AGMO: variants seen among roughly 807,000 people sequenced by gnomAD.
The protein encoded by AGMO is glyceryl-ether monooxygenase.
In AGMO, 75 loss-of-function variants were observed where a neutral mutation model predicts 60.2. That is an observed-to-expected ratio of 1.25 (90% CI 1.03 to 1.51). The LOEUF (loss-of-function observed/expected upper bound fraction) is 1.51. Among genes scored for constraint, AGMO ranks in the 40% most tolerant of loss-of-function variants. The pLI, the probability that AGMO is intolerant of heterozygous loss-of-function variation, is 0.00. For synonymous variants in AGMO, 261 were observed against 177.1 expected (o/e 1.47, Z -3.76); for missense variants, 763 against 525.5 (o/e 1.45, Z -4.42).
chr7:15,535,348 T>C (rs1040143769), intron 3 of AGMO, among the ~76,000 whole-genome samples: 1 of 151,982 alleles, frequency 6.6e-6, no homozygotes, highest in African/African-American at 2.4e-5. Flanking sequence ...TCTTTCTTTT[T>C]ACCTTTGGAA....
intron 12 of AGMO, among the ~76,000 whole-genome samples, chr7:15,214,985 C>G (rs948452004): frequency 1.3e-5 from 2 of 152,000 alleles, no homozygotes; most frequent in African/African-American, 4.8e-5. Context: ...AGAGCCTATG[C>G]CAACAGAAAT....
intron 12 of AGMO, among the ~76,000 whole-genome samples, chr7:15,329,692 C>T (rs1208661598): frequency 1.3e-5 from 2 of 152,118 alleles, no homozygotes; most frequent in African/African-American, 4.8e-5. Flanking sequence ...ATGTTTAATC[C>T]TCTCAAACCC....
chr7:15,539,109 T>C (rs1784552802), intron 3 of AGMO, among the ~76,000 whole-genome samples: 2 of 152,028 alleles, frequency 1.3e-5, no homozygotes, highest in African/African-American at 4.8e-5. Context: ...GGTAAATTCT[T>C]TATTTTAATT....
intron 10 of AGMO, among the ~76,000 whole-genome samples, chr7:15,369,604 A>C (rs1242817435): frequency 6.6e-6 from 1 of 152,068 alleles, no homozygotes; most frequent in Non-Finnish European, 1.5e-5. Context: ...ACAAAATAGT[A>C]CTTCTCCATA....
Position 15,225,137 on chromosome 7 carries a change from TAC to T in AGMO, c.1264-23780_1264-23779del, listed in dbSNP as rs1782039141. Among the ~76,000 whole-genome samples, 4 of 152,060 alleles carry T rather than the reference TAC, an allele frequency of 2.6e-5. No homozygotes were observed. In the South Asian group the frequency reaches 8.3e-4, roughly 32 times the overall value. On this transcript the variant is annotated intron_variant, in intron 12 of 12. Transcript: ENST00000342526. ...AAATTATACTAAATATATTGTTTGA[TAC>T]AGATTTTTATTTACCATCAGACGAA... is the stretch of plus-strand genomic sequence containing the variant.
chr7:15,273,602 T>A (rs1418493749), intron 12 of AGMO, among the ~76,000 whole-genome samples: 1 of 152,138 alleles, frequency 6.6e-6, no homozygotes, highest in Non-Finnish European at 1.5e-5. Flanking sequence ...CTTGGCAATT[T>A]GGGCTCTTTT....
chr7:15,226,344 A>G (rs143985042), intron 12 of AGMO, among the ~76,000 whole-genome samples: 157 of 152,262 alleles, frequency 1.0e-3, no homozygotes, highest in African/African-American at 3.6e-3. Context: ...TCTGATGTTT[A>G]GCCATGTCAG....
chr7:15,240,704 A>G (rs1782564143), intron 12 of AGMO, among the ~76,000 whole-genome samples: 1 of 152,182 alleles, frequency 6.6e-6, no homozygotes, highest in South Asian at 2.1e-4. Flanking sequence ...GTTTAAAATT[A>G]TAATCTATAG....
At chr7:15,538,404 T>C (rs1784532897) in intron 3 of AGMO, among the ~76,000 whole-genome samples, 1 of 152,072 alleles carries the variant, frequency 6.6e-6, no homozygotes, top group African/African-American at 2.4e-5. Context: ...AGCTAATTTT[T>C]TAATGTTTTG....
intron 3 of AGMO, among the ~76,000 whole-genome samples, chr7:15,473,984 C>A (rs1350106170): frequency 6.6e-6 from 1 of 152,016 alleles, no homozygotes; most frequent in Non-Finnish European, 1.5e-5. Flanking sequence ...CCTAGGAATA[C>A]AATCTACAAG....
At chr7:15,225,130 T>A (rs1311745920) in intron 12 of AGMO, among the ~76,000 whole-genome samples, 1 of 151,938 alleles carries the variant, frequency 6.6e-6, no homozygotes, top group Non-Finnish European at 1.5e-5. Flanking sequence ...CTAAATATAT[T>A]GTTTGATACA....
chr7:15,240,896 G>A lies in AGMO; in HGVS notation c.1264-39537C>T, dbSNP rs571553217. Among the ~76,000 whole-genome samples, 125 of 151,992 alleles carry A rather than the reference G, an allele frequency of 8.2e-4. 1 individual carries two copies. The highest frequency in any genetic ancestry group is 1.6e-3 in the Non-Finnish European group (108 of 68,016). On this transcript the variant is annotated intron_variant, in intron 12 of 12. Transcript: ENST00000342526. Reference sequence around the variant, plus strand: ...CCAATATGAGAAAGCTAGTTCAGTGGAGTTAATTCATTTCCTTAGGCTACA... The same window carrying A: ...CCAATATGAGAAAGCTAGTTCAGTGAAGTTAATTCATTTCCTTAGGCTACA...
chr7:15,308,365 A>C (rs1391647054), intron 12 of AGMO, among the ~76,000 whole-genome samples: 1 of 151,926 alleles, frequency 6.6e-6, no homozygotes, highest in Non-Finnish European at 1.5e-5. Context: ...CTTCTTTTTT[A>C]AGGTTTTGCT....
intron 10 of AGMO, among the ~76,000 whole-genome samples, chr7:15,383,802 C>T (rs1453663871): frequency 1.3e-5 from 2 of 151,764 alleles, no homozygotes; most frequent in Admixed American, 6.6e-5. Flanking sequence ...GTTTTTTTCC[C>T]GGATTGTTGT....
At chr7:15,173,448 C>A in the AGMO span, among the ~76,000 whole-genome samples, 564 of 152,212 alleles carry the variant, frequency 3.7e-3, 3 homozygotes, top group African/African-American at 0.013. Context: ...ACATTGATTT[C>A]TTAAATAGTA....
intron 12 of AGMO, among the ~76,000 whole-genome samples, chr7:15,340,471 A>T (rs1323769553): frequency 6.6e-6 from 1 of 152,184 alleles, no homozygotes; most frequent in African/African-American, 2.4e-5. Context: ...GTCACAGGCC[A>T]GGAGGCCTCG....
At chr7:15,520,143 G>A (rs996379194) in intron 3 of AGMO, among the ~76,000 whole-genome samples, 1 of 152,058 alleles carries the variant, frequency 6.6e-6, no homozygotes, top group African/African-American at 2.4e-5. Context: ...AACAAGAAGA[G>A]CTAGCTACCC....
chr7:15,531,431 T>C (rs1449129769), intron 3 of AGMO, among the ~76,000 whole-genome samples: 10 of 42,126 alleles, frequency 2.4e-4, no homozygotes, highest in African/African-American at 3.7e-4. Flanking sequence ...ATATATTCTA[T>C]ATATATATTC....
At chr7:15,185,401 C>T in the AGMO span, among the ~76,000 whole-genome samples, 1 of 152,030 alleles carries the variant, frequency 6.6e-6, no homozygotes, top group Non-Finnish European at 1.5e-5. Flanking sequence ...AGAACAAATA[C>T]TTGTTGAAAA....
Sources: gnomAD v4.1 joint callset for allele counts (sites outside exome capture counted in the v4.1 genomes callset) on GRCh38, gnomAD v4.1.1 for gene constraint, MANE v1.5 for transcripts, NCBI Gene and HGNC (gene_info 2026-07-23, HGNC 2026-07-21) for gene names.